Variants in TTLL5 observed in about 807,000 individuals in gnomAD.
TTLL5 encodes the protein tubulin tyrosine ligase like 5.
A neutral mutation model predicts 168.4 loss-of-function variants in TTLL5; 132 were observed. That is an observed-to-expected ratio of 0.78 (90% CI 0.68 to 0.91). The LOEUF (loss-of-function observed/expected upper bound fraction) is 0.91. TTLL5 is among the 40% of genes least tolerant of loss of function. The pLI, the probability that TTLL5 is intolerant of heterozygous loss-of-function variation, is 0.00. For synonymous variants in TTLL5, 546 were observed against 558.6 expected (o/e 0.98, Z 0.32); for missense variants, 1,545 against 1,581.5 (o/e 0.98, Z 0.39).
chr14:75,807,545 T>C (rs879933993), intron 27 of TTLL5, among the ~76,000 whole-genome samples: 5 of 152,264 alleles, frequency 3.3e-5, no homozygotes, highest in Non-Finnish European at 7.3e-5. Context: ...AAGGACTTTA[T>C]ATGCATTATC....
rs115600039 is a variant in TTLL5 at position 75,948,860 on chromosome 14, A to G, written c.3824-5564A>G. ...TTAGTGGGATGAGTACAATTTTAATATTTAACTTACAAATATTTACTCAAG... is the reference window on the plus strand; with the variant it reads ...TTAGTGGGATGAGTACAATTTTAATGTTTAACTTACAAATATTTACTCAAG... On this transcript the variant is annotated intron_variant, in intron 31 of 31. Coordinates refer to ENST00000298832, the MANE Select transcript of TTLL5 (RefSeq NM_015072.5). Among the ~76,000 whole-genome samples the G allele has an allele frequency of 8.8e-3, 1,335 of 152,272 alleles. 14 individuals carry two copies. The highest frequency in any genetic ancestry group is 0.017 in the Middle Eastern group (5 of 294).
In TTLL5 at chr14:75,925,910, C is replaced by T. The variant is rs149651323; in HGVS notation, c.3823+23686C>T. Among the ~76,000 whole-genome samples the T allele has an allele frequency of 3.6e-3, 548 of 152,014 alleles. 20 individuals carry two copies. Among genetic ancestry groups the T allele is most frequent in the African/African-American group, 0.012 (510 of 41,286 alleles). ...CAAAAAAGTACGAAAACCAGTCAGGCGTGGCGGCGCGCACCTGTAATCGCA... is the reference window on the plus strand; with the variant it reads ...CAAAAAAGTACGAAAACCAGTCAGGTGTGGCGGCGCGCACCTGTAATCGCA... On this transcript the variant is annotated intron_variant, in intron 31 of 31. Transcript: ENST00000298832.
chr14:75,794,053 C>T (rs531011417), intron 27 of TTLL5, among the ~76,000 whole-genome samples: 2 of 152,240 alleles, frequency 1.3e-5, no homozygotes, highest in Admixed American at 1.3e-4. Flanking sequence ...AAATTTAGGA[C>T]CAAAACTAAA....
chr14:75,900,519 A>G (rs2032877699), intron 30 of TTLL5, among the ~76,000 whole-genome samples: 1 of 152,108 alleles, frequency 6.6e-6, no homozygotes, highest in African/African-American at 2.4e-5. Context: ...CACCTGGGGC[A>G]CTGTCCCCAG....
intron 15 of TTLL5, 123 bp downstream of exon 15, chr14:75,735,412 C>G: frequency 2.3e-6 from 2 of 873,572 alleles, no homozygotes; most frequent in Non-Finnish European, 3.8e-6. Flanking sequence ...TTGGGGATCA[C>G]TCTAGACAGG....
chr14:75,851,095 CAAAAAAAA>C (rs35393032), intron 28 of TTLL5, among the ~76,000 whole-genome samples: 1 of 95,952 alleles, frequency 1.0e-5, no homozygotes, highest in Non-Finnish European at 2.0e-5. Context: ...GACCTTGTCT[CAAAAAAAA>C]AAAAAAAAAA....
chr14:75,676,049 T>A (rs1884124294), intron 3 of TTLL5, among the ~76,000 whole-genome samples: 1 of 152,194 alleles, frequency 6.6e-6, no homozygotes, highest in Non-Finnish European at 1.5e-5. Flanking sequence ...AGAGAAGGTC[T>A]GTGTCCCATC....
At chr14:75,738,715 A>G (rs561064018) in intron 15 of TTLL5, among the ~76,000 whole-genome samples, 2 of 152,342 alleles carry the variant, frequency 1.3e-5, no homozygotes, top group East Asian at 1.9e-4. Flanking sequence ...GAACTAATGT[A>G]CTGAAAGGAG....
chr14:75,926,128 A>G (rs564100992), intron 31 of TTLL5, among the ~76,000 whole-genome samples: 72 of 78,592 alleles, frequency 9.2e-4, no homozygotes, highest in African/African-American at 3.7e-3. Context: ...TTGTCTATGT[A>G]TTTTAAAGAC....
chr14:75,744,704 T>A (rs1465635810), intron 15 of TTLL5: 2 of 156,814 alleles, frequency 1.3e-5, no homozygotes, highest in Non-Finnish European at 2.8e-5. Context: ...GCTAAAAATA[T>A]ACCCACTGAA....
intron 4 of TTLL5, among the ~76,000 whole-genome samples, chr14:75,682,848 G>C (rs111792980): frequency 0.022 from 3,387 of 151,776 alleles, 108 homozygotes; most frequent in African/African-American, 0.065. Flanking sequence ...TTCACTGTAG[G>C]CTTGAACTCC....
At chr14:75,863,989 T>C (rs1255898332) in intron 29 of TTLL5, 127 bp downstream of exon 29, 3 of 1,000,720 alleles carry the variant, frequency 3.0e-6, no homozygotes, top group Non-Finnish European at 1.4e-6. Flanking sequence ...CATCCTGGCT[T>C]GGACAGCTCA....
At chr14:75,884,409 G>T (rs1296932682) in intron 30 of TTLL5, among the ~76,000 whole-genome samples, 1 of 152,184 alleles carries the variant, frequency 6.6e-6, no homozygotes, top group Non-Finnish European at 1.5e-5. Context: ...GCTTGCTACT[G>T]CCCTGAACTC....
chr14:75,870,857 C>T (rs1197575711), intron 29 of TTLL5, among the ~76,000 whole-genome samples: 4 of 149,620 alleles, frequency 2.7e-5, no homozygotes, highest in East Asian at 2.0e-4. Flanking sequence ...TGCAGTGGCT[C>T]GATCTCGGCT....
intron 27 of TTLL5, among the ~76,000 whole-genome samples, chr14:75,813,270 TTGTGTGTGTGTGTGTGTGTGTGTGTG>T (rs58821426): frequency 1.4e-4 from 18 of 130,728 alleles, no homozygotes; most frequent in African/African-American, 4.4e-4. Context: ...GTGTGTGTGT[TTGTGTGTGTGTGTGTGTGTGTGTGTG>T]TGTGTGTGTG....
At chr14:75,828,817 G>A (rs767592123) in intron 28 of TTLL5, among the ~76,000 whole-genome samples, 12 of 152,184 alleles carry the variant, frequency 7.9e-5, no homozygotes, top group Non-Finnish European at 1.3e-4. Flanking sequence ...CAAATATTTA[G>A]TAAATTAAAA....
At chr14:75,784,496 G>A (rs1426208283) in intron 26 of TTLL5, among the ~76,000 whole-genome samples, 1 of 152,160 alleles carries the variant, frequency 6.6e-6, no homozygotes, top group Non-Finnish European at 1.5e-5. Context: ...TAGTTGAGGG[G>A]CATTTGATTT....
intron 15 of TTLL5, among the ~76,000 whole-genome samples, chr14:75,743,572 GCT>G: frequency 1.7e-5 from 2 of 115,044 alleles, no homozygotes; most frequent in African/African-American, 3.3e-5. Context: ...CTCTGGCATC[GCT>G]CTTTTTTTTT....
chr14:75,760,407 A>G (rs1033061948), intron 18 of TTLL5, among the ~76,000 whole-genome samples: 2 of 152,040 alleles, frequency 1.3e-5, no homozygotes, highest in African/African-American at 4.8e-5. Flanking sequence ...TAAAATAGCC[A>G]TTTTCCTCAA....
Sources: allele counts gnomAD v4.1 joint callset (sites outside exome capture counted in the v4.1 genomes callset), GRCh38; gene constraint gnomAD v4.1.1; transcripts MANE v1.5; gene names NCBI Gene and HGNC (gene_info 2026-07-23, HGNC 2026-07-21).